Variants in IL7 observed in about 807,000 individuals in gnomAD.
IL7 encodes the protein interleukin 7.
Under a neutral mutation model 21.6 loss-of-function variants are expected in IL7, and 3 were observed. The observed-to-expected ratio is 0.14, with a 90% CI of 0.06 to 0.36. The LOEUF (loss-of-function observed/expected upper bound fraction) is 0.36. IL7 is among the 10% of genes least tolerant of loss of function. The pLI, the probability that IL7 is intolerant of heterozygous loss-of-function variation, is 1.00. For missense variants in IL7, 175 were observed against 200.2 expected (o/e 0.87, Z 0.76); for synonymous variants, 62 against 68.1 (o/e 0.91, Z 0.44).
chr8:78,769,490 C>A lies in IL7; in HGVS notation c.147+28582G>T, dbSNP rs572426308. Among the ~76,000 whole-genome samples, 371 of 152,112 alleles carry A rather than the reference C, an allele frequency of 2.4e-3. 2 individuals are homozygous for A. The highest frequency in any genetic ancestry group is 8.3e-3 in the African/African-American group (345 of 41,458). On this transcript the variant is annotated intron_variant, in intron 2 of 5. Coordinates refer to ENST00000263851, the MANE Select transcript of IL7 (RefSeq NM_000880.4). ...TCCAACTTACAAGGGACGTGAAGGA[C>A]CTCTTCAAGGAGAACTACAAATCAC...
chr8:78,680,713 T>G (rs550427390), intron 4 of IL7, among the ~76,000 whole-genome samples: 39 of 152,238 alleles, frequency 2.6e-4, no homozygotes, highest in Non-Finnish European at 5.0e-4. Context: ...CCAGGAGAAA[T>G]TACCCGTAAG....
intron 2 of IL7, among the ~76,000 whole-genome samples, chr8:78,782,509 C>A (rs1813371146): frequency 6.6e-6 from 1 of 152,038 alleles, no homozygotes; most frequent in South Asian, 2.1e-4. Context: ...CACTCCAGAC[C>A]CTATTTGCCT....
chr8:78,717,425 G>A, downstream of IL7: 1 of 1,613,602 alleles, frequency 6.2e-7, no homozygotes, highest in East Asian at 2.2e-5. Context: ...CCATGAGTGT[G>A]GGACTAAATA....
chr8:78,691,379 A>G (rs1041050193), intron 3 of IL7, among the ~76,000 whole-genome samples: 7 of 151,982 alleles, frequency 4.6e-5, no homozygotes, highest in Non-Finnish European at 7.4e-5. Flanking sequence ...GTCTGTGGCA[A>G]TATTTGTTGT....
chr8:78,683,759 T>A (rs1398190779), intron 4 of IL7, among the ~76,000 whole-genome samples: 2 of 152,188 alleles, frequency 1.3e-5, no homozygotes, highest in African/African-American at 2.4e-5. Flanking sequence ...TTCTGTTACA[T>A]CATTAGGCTG....
downstream of IL7, among the ~76,000 whole-genome samples, chr8:78,728,282 A>G (rs1175304609): frequency 6.6e-6 from 1 of 151,956 alleles, no homozygotes; most frequent in South Asian, 2.1e-4. Flanking sequence ...GACTGATTCT[A>G]AAATGTACAT....
At chr8:78,741,401 T>A (rs1811774214) in intron 2 of IL7, among the ~76,000 whole-genome samples, 1 of 152,170 alleles carries the variant, frequency 6.6e-6, no homozygotes, top group African/African-American at 2.4e-5. Context: ...AACTCATACA[T>A]AATTTTTTCT....
At chr8:78,702,419 C>T (rs1444575944) in intron 3 of IL7, among the ~76,000 whole-genome samples, 1 of 152,052 alleles carries the variant, frequency 6.6e-6, no homozygotes, top group African/African-American at 2.4e-5. Flanking sequence ...AAAAGCAGCT[C>T]CTAGATTTGT....
downstream of IL7, among the ~76,000 whole-genome samples, chr8:78,714,920 TA>T (rs1811053362): frequency 6.6e-6 from 1 of 152,210 alleles, no homozygotes; most frequent in Admixed American, 6.5e-5. Context: ...AATATAAATT[TA>T]AACTGTTTTT....
At chr8:78,770,576 C>G (rs1812915376) in intron 2 of IL7, among the ~76,000 whole-genome samples, 1 of 151,972 alleles carries the variant, frequency 6.6e-6, no homozygotes, top group African/African-American at 2.4e-5. Flanking sequence ...GCTATTTTCT[C>G]TTCAGAAACA....
downstream of IL7, chr8:78,717,326 A>G: frequency 6.3e-7 from 1 of 1,599,512 alleles, no homozygotes; most frequent in Non-Finnish European, 8.5e-7. Flanking sequence ...TTACTTTTTT[A>G]GGCCAGATGG....
chr8:78,750,811 G>A (rs565595649), intron 2 of IL7, among the ~76,000 whole-genome samples: 117 of 152,236 alleles, frequency 7.7e-4, no homozygotes, highest in African/African-American at 2.6e-3. Context: ...GCAACAGAGC[G>A]AGACTCCGTC....
chr8:78,770,709 G>A (rs1245334731), intron 2 of IL7, among the ~76,000 whole-genome samples: 6 of 151,462 alleles, frequency 4.0e-5, no homozygotes, highest in East Asian at 1.9e-4. Context: ...ACATACACAC[G>A]CACACGCACA....
intron 2 of IL7, among the ~76,000 whole-genome samples, chr8:78,745,089 G>C (rs1427071410): frequency 6.6e-6 from 1 of 152,182 alleles, no homozygotes; most frequent in Non-Finnish European, 1.5e-5. Flanking sequence ...CACACGAGCT[G>C]CTTCTAGTTG....
intron 3 of IL7, among the ~76,000 whole-genome samples, chr8:78,688,795 T>C (rs1810108906): frequency 6.6e-6 from 1 of 152,058 alleles, no homozygotes; most frequent in Non-Finnish European, 1.5e-5. Flanking sequence ...TTTGATGAAA[T>C]AAAAAATTTT....
rs1346516729 is a variant in IL7 at position 78,799,024 on chromosome 8, A to G, written c.11-816T>C. On this transcript the variant is annotated intron_variant, in intron 1 of 5. Coordinates refer to ENST00000263851, the MANE Select transcript of IL7 (RefSeq NM_000880.4). ...AAATAATGGTATTATTTCAGGCAGA[A>G]AGATGGAAAGCCAGTGGTTCCCACA... 2.6e-5 allele frequency among the ~76,000 whole-genome samples: 4 copies of G among 152,152 alleles called. No individual in the cohort carries two copies. In the East Asian group the frequency reaches 7.7e-4, roughly 29 times the overall value.
At chr8:78,745,235 A>T (rs1025562083) in intron 2 of IL7, among the ~76,000 whole-genome samples, 1 of 152,212 alleles carries the variant, frequency 6.6e-6, no homozygotes, top group African/African-American at 2.4e-5. Context: ...TTACATTTTA[A>T]GTATCTTCTT....
intron 2 of IL7, among the ~76,000 whole-genome samples, chr8:78,755,261 G>A (rs1216947431): frequency 1.3e-5 from 2 of 151,990 alleles, no homozygotes; most frequent in Non-Finnish European, 2.9e-5. Flanking sequence ...TATATAGTAT[G>A]AGACCTCCAG....
intron 2 of IL7, 39 bp downstream of exon 2, chr8:78,798,033 A>G (rs1200581015): frequency 2.0e-6 from 3 of 1,534,386 alleles, no homozygotes; most frequent in East Asian, 2.3e-5. Context: ...AAATTTTCCC[A>G]ATGCATGAAA....
Sources: allele counts gnomAD v4.1 joint callset (sites outside exome capture counted in the v4.1 genomes callset), GRCh38; gene constraint gnomAD v4.1.1; transcripts MANE v1.5; gene names NCBI Gene and HGNC (gene_info 2026-07-23, HGNC 2026-07-21).